Variants in PTPRT observed in about 807,000 individuals in gnomAD.
PTPRT encodes the protein protein tyrosine phosphatase receptor type T, also known as receptor-type tyrosine-protein phosphatase T.
A neutral mutation model predicts 176.8 loss-of-function variants in PTPRT; 56 were observed. That is an observed-to-expected ratio of 0.32 (90% CI 0.26 to 0.40). PTPRT has a LOEUF of 0.40. Ranked by LOEUF, PTPRT falls within the 10% of genes least tolerant of loss-of-function variation. The pLI, the probability that PTPRT is intolerant of heterozygous loss-of-function variation, is 1.00. For missense variants in PTPRT, 1,540 were observed against 1,908.2 expected, an observed-to-expected ratio of 0.81 and a Z score of 3.60; for synonymous variants, 783 against 739.0, an observed-to-expected ratio of 1.06 and a Z score of -0.96.
chr20:42,493,000 A>G (rs2071587736), intron 7 of PTPRT, among the ~76,000 whole-genome samples: 1 of 152,138 alleles, frequency 6.6e-6, no homozygotes, highest in Non-Finnish European at 1.5e-5. Flanking sequence ...TTCTGCTTCA[A>G]TAGATTGATT....
chr20:42,787,429 C>T (rs763594665), intron 3 of PTPRT, among the ~76,000 whole-genome samples: 5 of 152,172 alleles, frequency 3.3e-5, no homozygotes, highest in African/African-American at 4.8e-5. Flanking sequence ...AGGTTAAACA[C>T]CAATAAATGG....
intron 8 of PTPRT, among the ~76,000 whole-genome samples, chr20:42,464,409 G>C (rs1359570201): frequency 6.6e-6 from 1 of 152,150 alleles, no homozygotes; most frequent in Non-Finnish European, 1.5e-5. Flanking sequence ...AGCGGTAGAG[G>C]TTTTGGCCAG....
intron 7 of PTPRT, among the ~76,000 whole-genome samples, chr20:42,518,186 A>C (rs1320438961): frequency 6.6e-6 from 1 of 151,998 alleles, no homozygotes; most frequent in Non-Finnish European, 1.5e-5. Context: ...GGTTATATTT[A>C]TCTCTGGTAA....
intron 1 of PTPRT, among the ~76,000 whole-genome samples, chr20:43,152,429 G>C (rs1390767454): frequency 6.6e-6 from 1 of 152,130 alleles, no homozygotes; most frequent in African/African-American, 2.4e-5. Flanking sequence ...CAGGCGTCTT[G>C]TCCTGATCTG....
chr20:42,684,620 C>A (rs145453642), intron 6 of PTPRT, among the ~76,000 whole-genome samples: 46 of 152,292 alleles, frequency 3.0e-4, no homozygotes, highest in African/African-American at 1.0e-3. Flanking sequence ...AAGAAAACTT[C>A]TCTGAAATAC....
chr20:42,050,997 AC>A, the PTPRT span, among the ~76,000 whole-genome samples: 2 of 152,372 alleles, frequency 1.3e-5, no homozygotes, highest in South Asian at 2.1e-4. Context: ...CCTGGTGAGA[AC>A]TAAATGGGAG....
At chr20:42,851,038 A>G (rs1159143162) in intron 2 of PTPRT, among the ~76,000 whole-genome samples, 1 of 152,290 alleles carries the variant, frequency 6.6e-6, no homozygotes, top group East Asian at 1.9e-4. Context: ...CCACTTCTTT[A>G]GATCTGCACT....
chr20:42,544,118 C>A (rs1223632037), intron 7 of PTPRT, among the ~76,000 whole-genome samples: 1 of 152,200 alleles, frequency 6.6e-6, no homozygotes, highest in Non-Finnish European at 1.5e-5. Flanking sequence ...GAGAGCAAGT[C>A]TGTCCATTGA....
intron 6 of PTPRT, among the ~76,000 whole-genome samples, chr20:42,749,003 AGGG>A (rs755226806): frequency 6.6e-6 from 1 of 152,270 alleles, no homozygotes; most frequent in South Asian, 2.1e-4. Flanking sequence ...GTCTGCTTCT[AGGG>A]GTCTCAACGC....
chr20:42,304,845 T>C (rs2145326421), intron 12 of PTPRT, among the ~76,000 whole-genome samples: 1 of 152,342 alleles, frequency 6.6e-6, no homozygotes, highest in Admixed American at 6.5e-5. Context: ...AGGATATATG[T>C]GATAAATCAC....
At chr20:42,501,846 A>G (rs1463469955) in intron 7 of PTPRT, among the ~76,000 whole-genome samples, 1 of 152,090 alleles carries the variant, frequency 6.6e-6, no homozygotes, top group Admixed American at 6.6e-5. Flanking sequence ...TATAAGTGAC[A>G]TTAAGCTAAT....
chr20:42,307,895 G>A (rs576752207), intron 12 of PTPRT, among the ~76,000 whole-genome samples: 11 of 152,226 alleles, frequency 7.2e-5, no homozygotes, highest in East Asian at 3.9e-4. Context: ...TAAAGAAGCC[G>A]GCCAAATCCC....
chr20:42,270,700 C>T (rs951833988), intron 13 of PTPRT, among the ~76,000 whole-genome samples: 5 of 152,116 alleles, frequency 3.3e-5, no homozygotes, highest in African/African-American at 1.2e-4. Context: ...TTTCTGGGTG[C>T]CTCACATATA....
At position 42,270,448 on chromosome 20, in the gene PTPRT, T is replaced by C. The variant is rs534320934; in HGVS notation, c.2176+12041A>G. The C allele has an allele frequency of 5.9e-5, 85 of 1,451,446 alleles. No homozygotes were observed. The Admixed American group carries it at 7.2e-4, about 12-fold the overall frequency. The allele number at this position is 1,451,446 out of a possible 1,614,324, so 89.9% of individuals were successfully genotyped here. A position where few individuals can be genotyped will look rare whatever the true frequency, so the allele number is the denominator to read the frequency against. On this transcript the variant is annotated intron_variant, in intron 13 of 30. Coordinates refer to ENST00000373187, the MANE Select transcript of PTPRT (RefSeq NM_007050.6). ...CCCGGGGTCACCTGGGCGCTGCCCA[T>C]TGGTGCTGACCACAAGGAAGCCAGT...
chr20:43,008,819 CAAAG>C (rs1312010780), intron 1 of PTPRT, among the ~76,000 whole-genome samples: 1 of 152,184 alleles, frequency 6.6e-6, no homozygotes, highest in African/African-American at 2.4e-5. Flanking sequence ...CAGAGAGCCA[CAAAG>C]AAAGAAAGTC....
At chr20:42,819,195 T>A (rs1409033150) in intron 2 of PTPRT, among the ~76,000 whole-genome samples, 1 of 152,100 alleles carries the variant, frequency 6.6e-6, no homozygotes, top group East Asian at 1.9e-4. Context: ...AGACTAACAG[T>A]GGACCTCTGG....
At chr20:42,536,119 CAGGG>C (rs2072472298) in intron 7 of PTPRT, among the ~76,000 whole-genome samples, 1 of 152,064 alleles carries the variant, frequency 6.6e-6, no homozygotes, top group Non-Finnish European at 1.5e-5. Flanking sequence ...AGAGCTCTGC[CAGGG>C]ACAGAAACTT....
chr20:42,912,579 AC>A (rs1435516128), intron 1 of PTPRT, among the ~76,000 whole-genome samples: 1 of 152,236 alleles, frequency 6.6e-6, no homozygotes, highest in African/African-American at 2.4e-5. Context: ...AGAAATGCCT[AC>A]ATAGAGTATC....
At chr20:42,967,443 A>G (rs1012062154) in intron 1 of PTPRT, among the ~76,000 whole-genome samples, 5 of 152,056 alleles carry the variant, frequency 3.3e-5, no homozygotes, top group African/African-American at 9.7e-5. Flanking sequence ...AGATCAAGGC[A>G]GAGAGGGCAA....
Sources: gnomAD v4.1 joint callset for allele counts (sites outside exome capture counted in the v4.1 genomes callset) on GRCh38, gnomAD v4.1.1 for gene constraint, MANE v1.5 for transcripts, NCBI Gene and HGNC (gene_info 2026-07-23, HGNC 2026-07-21) for gene names.